PTPN21: variants seen among roughly 807,000 people sequenced by gnomAD.
PTPN21 encodes the protein tyrosine-protein phosphatase non-receptor type 21.
Under a neutral mutation model 131.8 loss-of-function variants are expected in PTPN21, and 77 were observed. The ratio of observed to expected loss-of-function variants is 0.58; its 90% CI spans 0.49 to 0.71. The LOEUF is 0.71. PTPN21 is among the 30% of genes least tolerant of loss of function. The pLI is 0.00. For synonymous variants in PTPN21, 715 were observed against 621.3 expected (o/e 1.15, Z -2.24); for missense variants, 1,552 against 1,527.1 (o/e 1.02, Z -0.27).
At chr14:88,525,021 C>T (rs115825845) in intron 2 of PTPN21, among the ~76,000 whole-genome samples, 1,603 of 152,160 alleles carry the variant, frequency 0.011, 29 homozygotes, top group African/African-American at 0.037. Context: ...GGCAGGAGGA[C>T]TGCTTGAGCT....
At chr14:88,501,482 G>A (rs892582726) in intron 6 of PTPN21, 114 bp from the exon 7 acceptor site, 7 of 911,378 alleles carry the variant, frequency 7.7e-6, no homozygotes, top group African/African-American at 3.3e-5. Context: ...AACATTTCAC[G>A]TTTCTAAGCA....
At chr14:88,544,492 A>G (rs1346524364) in intron 2 of PTPN21, among the ~76,000 whole-genome samples, 1 of 152,218 alleles carries the variant, frequency 6.6e-6, no homozygotes, top group Non-Finnish European at 1.5e-5. Flanking sequence ...CCCAAATACC[A>G]GGTCCTTTGC....
Position 88,467,691 on chromosome 14 carries a change from T to C in PTPN21, c.*446A>G, listed in dbSNP as rs2140073207. On this transcript the variant is annotated 3_prime_UTR_variant, in exon 19 of 19. Coordinates refer to ENST00000556564, the MANE Select transcript of PTPN21 (RefSeq NM_007039.4). ...AGGAGCAACTCATATCTGTGGATCATCCTTACACAAAGTTGTTTCTCACTA... is the reference window on the plus strand; with the variant it reads ...AGGAGCAACTCATATCTGTGGATCACCCTTACACAAAGTTGTTTCTCACTA... 1 of 173,640 alleles carries C rather than the reference T, an allele frequency of 5.8e-6. No homozygotes were observed. The highest frequency in any genetic ancestry group is 6.3e-5 in the Admixed American group (1 of 15,752). The allele number at this position is 173,640 out of a possible 1,614,324, so 10.8% of individuals were successfully genotyped here. A position where few individuals can be genotyped will look rare whatever the true frequency, so the allele number is the denominator to read the frequency against.
chr14:88,526,130 A>T (rs1359821748), intron 2 of PTPN21, among the ~76,000 whole-genome samples: 1 of 152,144 alleles, frequency 6.6e-6, no homozygotes, highest in Non-Finnish European at 1.5e-5. Flanking sequence ...GGTGGTTGCT[A>T]GGGGCAGGGA....
At chr14:88,500,131 T>C (rs1003967404) in intron 8 of PTPN21, among the ~76,000 whole-genome samples, 27 of 140,928 alleles carry the variant, frequency 1.9e-4, no homozygotes, top group African/African-American at 7.5e-4. Context: ...AAGCTCTATA[T>C]TTTTCATAGG....
intron 6 of PTPN21, among the ~76,000 whole-genome samples, chr14:88,502,504 C>T (rs746948866): frequency 1.2e-4 from 19 of 152,138 alleles, no homozygotes; most frequent in Non-Finnish European, 2.6e-4. Flanking sequence ...AGTGGGTTGT[C>T]CTGCCAGCCC....
chr14:88,517,729 T>C (rs2078299594), intron 2 of PTPN21, among the ~76,000 whole-genome samples: 1 of 119,640 alleles, frequency 8.4e-6, no homozygotes, highest in Non-Finnish European at 1.7e-5. Flanking sequence ...TGTGTATATA[T>C]ACTATATATA....
At chr14:88,468,367 A>ACAGT in intron 18 of PTPN21, 102 bp from the exon 19 acceptor site, 3 of 1,166,712 alleles carry the variant, frequency 2.6e-6, no homozygotes, top group Non-Finnish European at 3.6e-6. Flanking sequence ...TGGGAGATGG[A>ACAGT]CAGTCTCTTT....
chr14:88,554,922 G>C lies in PTPN21; in HGVS notation c.-474C>G, dbSNP rs2139375520. The stretch of plus-strand genomic sequence containing the variant: ...AGCGCCGCACAAAGAAGCCCCGTGG[G>C]GGCGGGGGGTGGCAGGAGGACGGAC... On this transcript the variant is annotated 5_prime_UTR_variant, in exon 1 of 19. Coordinates refer to ENST00000556564, the MANE Select transcript of PTPN21 (RefSeq NM_007039.4). Among the ~76,000 whole-genome samples, 1 of 151,782 alleles carries C rather than the reference G, an allele frequency of 6.6e-6. No individual in the cohort carries two copies. The highest frequency in any genetic ancestry group is 2.1e-4 in the South Asian group (1 of 4,830).
intron 1 of PTPN21, 134 bp downstream of exon 1, chr14:88,554,517 C>T (rs925146362): frequency 7.9e-5 from 12 of 152,144 alleles, no homozygotes; most frequent in African/African-American, 2.4e-4. Flanking sequence ...GCTCCCGCTA[C>T]GGGTCTGGCC....
intron 14 of PTPN21, among the ~76,000 whole-genome samples, 189 bp from the exon 15 acceptor site, chr14:88,472,654 G>C (rs992236543): frequency 6.6e-6 from 1 of 152,084 alleles, no homozygotes; most frequent in Non-Finnish European, 1.5e-5. Context: ...AGGATCACTT[G>C]AGCCTAGGAG....
At chr14:88,474,162 C>CAAAAAAA (rs2077515639) in intron 13 of PTPN21, among the ~76,000 whole-genome samples, 1 of 115,246 alleles carries the variant, frequency 8.7e-6, no homozygotes, top group African/African-American at 3.5e-5. Context: ...AAAACAAAAG[C>CAAAAAAA]TTTAAATGCA....
chr14:88,551,646 G>C (rs1206448592), intron 1 of PTPN21: 2 of 152,314 alleles, frequency 1.3e-5, no homozygotes, highest in Admixed American at 1.3e-4. Context: ...TAGGATGCCC[G>C]CTTTGGAGCC....
rs2140070058 is a variant in PTPN21, at chr14:88,466,578, G to A, written c.*1559C>T. ...TGTAAGAAGAGACCCCAAAAAGAAGGAAAAGGGAAAGGGTTCCTCAGCTAA... is the reference window on the plus strand; with the variant it reads ...TGTAAGAAGAGACCCCAAAAAGAAGAAAAAGGGAAAGGGTTCCTCAGCTAA... On this transcript the variant is annotated 3_prime_UTR_variant, in exon 19 of 19. Transcript: ENST00000556564. 1 of 152,292 alleles carries A rather than the reference G, an allele frequency of 6.6e-6. No homozygotes were observed. Among genetic ancestry groups the A allele is most frequent in the East Asian group, 1.9e-4 (1 of 5,174 alleles). The allele number at this position is 152,292 out of a possible 1,614,324, so 9.4% of individuals were successfully genotyped here. A position where few individuals can be genotyped will look rare whatever the true frequency, so the allele number is the denominator to read the frequency against.
chr14:88,539,420 G>T (rs1295158289), intron 2 of PTPN21, among the ~76,000 whole-genome samples: 2 of 151,910 alleles, frequency 1.3e-5, no homozygotes, highest in Non-Finnish European at 2.9e-5. Context: ...CAGCAATATT[G>T]TATTTTTAGT....
At chr14:88,484,215 T>G (rs1017102682) in intron 12 of PTPN21, among the ~76,000 whole-genome samples, 211 of 58,498 alleles carry the variant, frequency 3.6e-3, no homozygotes, top group East Asian at 0.018. Flanking sequence ...GCCCAGCTAT[T>G]TTTTTTTTTT....
intron 3 of PTPN21, chr14:88,512,631 G>A (rs1032248633): frequency 2.0e-5 from 3 of 152,120 alleles, no homozygotes; most frequent in Non-Finnish European, 2.9e-5. Context: ...AGAACATTCC[G>A]CAGTGATAGA....
At chr14:88,495,047 GT>G (rs1315281058) in intron 10 of PTPN21, among the ~76,000 whole-genome samples, 5,082 of 67,746 alleles carry the variant, frequency 0.075, 374 homozygotes, top group African/African-American at 0.27. Flanking sequence ...AAAGAAGAGT[GT>G]CAGTGTCAGG....
chr14:88,501,402 G>C, intron 6 of PTPN21, 34 bp from the exon 7 acceptor site: 1 of 1,557,022 alleles, frequency 6.4e-7, no homozygotes, highest in South Asian at 1.1e-5. Flanking sequence ...TGTTCACAAA[G>C]CAAGCTTAAA....
Sources: allele counts gnomAD v4.1 joint callset (sites outside exome capture counted in the v4.1 genomes callset), GRCh38; gene constraint gnomAD v4.1.1; transcripts MANE v1.5; gene names NCBI Gene and HGNC (gene_info 2026-07-23, HGNC 2026-07-21).